The following RBFOX1 variants were observed in gnomAD, a reference collection of about 807,000 sequenced individuals.
RBFOX1 encodes RNA binding protein fox-1 homolog 1.
A neutral mutation model predicts 57.7 loss-of-function variants in RBFOX1; 8 were observed. The observed-to-expected ratio is 0.14, with a 90% CI of 0.08 to 0.25. The LOEUF is 0.25. Among genes scored for constraint, RBFOX1 ranks in the 10% least tolerant of loss-of-function variants. RBFOX1 has a pLI of 1.00. For synonymous variants in RBFOX1, 326 were observed against 222.4 expected (o/e 1.47, Z -4.15); for missense variants, 611 against 548.5 (o/e 1.11, Z -1.14).
intron 6 of RBFOX1, among the ~76,000 whole-genome samples, chr16:7,584,791 T>C (rs1244326891): frequency 2.6e-5 from 4 of 152,202 alleles, no homozygotes; most frequent in African/African-American, 9.6e-5. Flanking sequence ...ACTATAAATA[T>C]AGTACACAAC....
chr16:5,459,091 C>T (rs1452705724), intron 1 of RBFOX1, among the ~76,000 whole-genome samples: 1 of 152,198 alleles, frequency 6.6e-6, no homozygotes, highest in Non-Finnish European at 1.5e-5. Context: ...GCTCACCATG[C>T]CCTGGCCTCT....
chr16:5,455,325 C>T (rs1262519765), intron 1 of RBFOX1, among the ~76,000 whole-genome samples: 1 of 152,018 alleles, frequency 6.6e-6, no homozygotes, highest in East Asian at 1.9e-4. Context: ...TCCCAAGAGA[C>T]CAAGACAGAT....
In RBFOX1 at chr16:6,780,169, TTTTATATATTTA is replaced by T. The variant is rs1567213774; in HGVS notation, c.-16+125521_-16+125532del. ...TATATTTATATATATATTTATATAT[TTTTATATATTTA>T]TATATATATTTATATATTTTTATAT... On this transcript the variant is annotated intron_variant, in intron 3 of 15. Transcript: ENST00000550418. 1.2e-4 allele frequency among the ~76,000 whole-genome samples: 3 copies of T among 25,586 alleles called. 1 individual carries two copies. The highest frequency in any genetic ancestry group is 7.6e-4 in the African/African-American group (2 of 2,618). The allele number at this position is 25,586 out of a possible 152,430, so 16.8% of individuals were successfully genotyped here.
chr16:7,351,503 TA>T (rs1363344911), intron 4 of RBFOX1, among the ~76,000 whole-genome samples: 1 of 152,236 alleles, frequency 6.6e-6, no homozygotes, highest in African/African-American at 2.4e-5. Context: ...AATGTATATA[TA>T]AACTGATTAA....
intron 1 of RBFOX1, among the ~76,000 whole-genome samples, chr16:6,195,634 A>G (rs142690746): frequency 0.047 from 7,083 of 151,806 alleles, 511 homozygotes; most frequent in African/African-American, 0.16. Context: ...CAGGAGAATC[A>G]CTTGAACCCG....
chr16:5,953,724 A>G (rs1422178666), intron 4 of RBFOX1, among the ~76,000 whole-genome samples: 1 of 141,064 alleles, frequency 7.1e-6, no homozygotes, highest in African/African-American at 2.9e-5. Flanking sequence ...ATATATATAT[A>G]TAAAAAACAC....
At chr16:7,341,784 T>TCCC (rs2096901464) in intron 4 of RBFOX1, among the ~76,000 whole-genome samples, 2 of 67,594 alleles carry the variant, frequency 3.0e-5, no homozygotes, top group East Asian at 3.6e-4. Context: ...CCCTCCTTCC[T>TCCC]TCCTTCCTTC....
At chr16:5,702,617 T>A (rs547273875) in intron 3 of RBFOX1, among the ~76,000 whole-genome samples, 2 of 152,326 alleles carry the variant, frequency 1.3e-5, no homozygotes, top group South Asian at 4.1e-4. Flanking sequence ...TTTTGGACTT[T>A]GTTGAGGTCT....
intron 4 of RBFOX1, among the ~76,000 whole-genome samples, chr16:7,174,510 G>C (rs188092175): frequency 1.3e-5 from 2 of 152,334 alleles, no homozygotes; most frequent in African/African-American, 2.4e-5. Context: ...GCTGGGCGCA[G>C]TGGCTCACAC....
chr16:6,901,642 C>G (rs1002594252), intron 3 of RBFOX1, among the ~76,000 whole-genome samples: 1 of 152,126 alleles, frequency 6.6e-6, no homozygotes, highest in Non-Finnish European at 1.5e-5. Flanking sequence ...TTCTGGTAAC[C>G]TTCAACAAAC....
At chr16:5,381,386 T>G (rs2066126980) in intron 1 of RBFOX1, among the ~76,000 whole-genome samples, 1 of 152,240 alleles carries the variant, frequency 6.6e-6, no homozygotes. Flanking sequence ...CTTAGCAAAT[T>G]GTGTCTAAAA....
intron 2 of RBFOX1, among the ~76,000 whole-genome samples, chr16:6,342,557 T>C (rs1208238283): frequency 6.6e-6 from 1 of 152,032 alleles, no homozygotes; most frequent in African/African-American, 2.4e-5. Flanking sequence ...GCATTGAGGG[T>C]AGAAGAAGTA....
chr16:6,593,635 C>G (rs556834728), intron 2 of RBFOX1, among the ~76,000 whole-genome samples: 1 of 151,932 alleles, frequency 6.6e-6, no homozygotes, highest in African/African-American at 2.4e-5. Context: ...ATGTGAGTGC[C>G]CTGTTCATTT....
chr16:6,190,540 A>G (rs1375766243), intron 1 of RBFOX1, among the ~76,000 whole-genome samples: 1 of 152,238 alleles, frequency 6.6e-6, no homozygotes, highest in Non-Finnish European at 1.5e-5. Context: ...ATTGTTATGA[A>G]GTTGAATGAG....
chr16:5,798,197 A>G (rs1315445658), intron 3 of RBFOX1, among the ~76,000 whole-genome samples: 2 of 152,348 alleles, frequency 1.3e-5, no homozygotes, highest in Non-Finnish European at 1.5e-5. Context: ...GATATGTGTA[A>G]AAAGTGATTG....
chr16:5,446,667 G>A (rs971018937), intron 1 of RBFOX1, among the ~76,000 whole-genome samples: 2 of 151,994 alleles, frequency 1.3e-5, no homozygotes, highest in South Asian at 2.1e-4. Flanking sequence ...AGAGGGGATC[G>A]CTGTGATTCC....
intron 3 of RBFOX1, among the ~76,000 whole-genome samples, chr16:5,855,560 C>G (rs557353954): frequency 1.2e-4 from 19 of 152,276 alleles, no homozygotes; most frequent in Admixed American, 5.2e-4. Flanking sequence ...TCTAGGCTCT[C>G]TATTCTGTTC....
At chr16:6,697,469 A>G (rs778134730) in intron 3 of RBFOX1, among the ~76,000 whole-genome samples, 1 of 152,224 alleles carries the variant, frequency 6.6e-6, no homozygotes, top group African/African-American at 2.4e-5. Context: ...TTCAGGAATT[A>G]AGGAATCCAA....
At chr16:7,083,732 G>T (rs116995176) in intron 4 of RBFOX1, among the ~76,000 whole-genome samples, 1,631 of 152,134 alleles carry the variant, frequency 0.011, 15 homozygotes, top group Non-Finnish European at 0.016. Flanking sequence ...CCTAGAGATG[G>T]GCAAGAGCCT....
Sources: gnomAD v4.1 joint callset for allele counts (sites outside exome capture counted in the v4.1 genomes callset) on GRCh38, gnomAD v4.1.1 for gene constraint, MANE v1.5 for transcripts, NCBI Gene and HGNC (gene_info 2026-07-23, HGNC 2026-07-21) for gene names.